ELMO1: variants seen among roughly 807,000 people sequenced by gnomAD.
The protein encoded by ELMO1 is engulfment and cell motility 1, also known as engulfment and cell motility protein 1.
In ELMO1, 26 loss-of-function variants were observed where a neutral mutation model predicts 98.9. That is an observed-to-expected ratio of 0.26 (90% CI 0.19 to 0.36). ELMO1 has a LOEUF of 0.36. ELMO1 is among the 10% of genes least tolerant of loss of function. The probability of loss-of-function intolerance (pLI) is 1.00; values close to 1 mark genes in which losing one functional copy is unlikely to be tolerated. For missense variants in ELMO1, 627 were observed against 935.2 expected, an observed-to-expected ratio of 0.67 and a Z score of 4.30; for synonymous variants, 346 against 346.0, an observed-to-expected ratio of 1.00 and a Z score of 0.00.
intron 11 of ELMO1, 127 bp downstream of exon 11, chr7:37,216,518 A>T (rs1793292370): frequency 2.8e-6 from 3 of 1,073,790 alleles, no homozygotes; most frequent in Admixed American, 4.2e-5. Flanking sequence ...CCTTCATTAG[A>T]GTTCCTACTG....
intron 16 of ELMO1, among the ~76,000 whole-genome samples, chr7:36,962,609 A>G (rs1270150762): frequency 6.8e-6 from 1 of 147,486 alleles, no homozygotes; most frequent in Admixed American, 6.7e-5. Flanking sequence ...GAGTAAACAG[A>G]AGGAGGTGAA....
chr7:37,231,885 C>T (rs920922019), intron 8 of ELMO1, among the ~76,000 whole-genome samples: 25 of 152,160 alleles, frequency 1.6e-4, no homozygotes, highest in African/African-American at 6.0e-4. Context: ...CAGGGTCTCA[C>T]TCCGTCACCC....
At chr7:37,103,454 G>A (rs186613714) in intron 14 of ELMO1, among the ~76,000 whole-genome samples, 1 of 146,008 alleles carries the variant, frequency 6.8e-6, no homozygotes, top group East Asian at 2.1e-4. Flanking sequence ...TCACTCATAG[G>A]TGGAAATTGA....
At chr7:37,323,414 T>C (rs1160941830) in intron 2 of ELMO1, among the ~76,000 whole-genome samples, 2 of 152,190 alleles carry the variant, frequency 1.3e-5, no homozygotes, top group Non-Finnish European at 2.9e-5. Context: ...GATTTAAGGA[T>C]GGACGCGATG....
Position 36,948,662 on chromosome 7 carries a change from C to G in ELMO1, c.1438-53645G>C, listed in dbSNP as rs2129102712. The stretch of plus-strand genomic sequence containing the variant: ...ATCTCATTTTTTTCTTCACTATAAC[C>G]CTACAACTATCTCCTTCCTATGAAG... On this transcript the variant is annotated intron_variant, in intron 16 of 21. Coordinates refer to ENST00000310758, the MANE Select transcript of ELMO1 (RefSeq NM_014800.11). Among the ~76,000 whole-genome samples, 3 of 152,216 alleles carry G rather than the reference C, an allele frequency of 2.0e-5. No homozygotes were observed. The South Asian group carries it at 6.2e-4, about 32-fold the overall frequency.
intron 1 of ELMO1, chr7:37,375,390 A>G: frequency 1.7e-6 from 1 of 588,928 alleles, no homozygotes; most frequent in Non-Finnish European, 3.0e-6. Context: ...AGGTCTTAGC[A>G]GAATTCAGGC....
rs1019965762 is a variant in ELMO1 at position 36,853,496 on chromosome 7, G to A, written c.*2055C>T. Reference sequence around the variant, plus strand: ...ACTTACTGTTTTATCATGATGATGGGTAGATTAATAACTGCTCCTGATAGC... The same window carrying A: ...ACTTACTGTTTTATCATGATGATGGATAGATTAATAACTGCTCCTGATAGC... On this transcript the variant is annotated 3_prime_UTR_variant, in exon 22 of 22. Transcript: ENST00000310758. 6.6e-6 allele frequency among the ~76,000 whole-genome samples: 1 copy of A among 152,190 alleles called. No homozygotes were observed. Among genetic ancestry groups the A allele is most frequent in the African/African-American group, 2.4e-5 (1 of 41,434 alleles).
chr7:37,160,651 G>A (rs1322809670), intron 13 of ELMO1, among the ~76,000 whole-genome samples: 1 of 152,132 alleles, frequency 6.6e-6, no homozygotes, highest in Non-Finnish European at 1.5e-5. Flanking sequence ...CAGCTCAAAA[G>A]AATCATAAGT....
chr7:37,039,376 T>C (rs972056303), intron 15 of ELMO1, among the ~76,000 whole-genome samples: 3 of 152,118 alleles, frequency 2.0e-5, no homozygotes, highest in Non-Finnish European at 2.9e-5. Flanking sequence ...GAGGGGGAGA[T>C]ACAAGGGCAG....
At chr7:37,104,010 CAA>C (rs35979251) in intron 14 of ELMO1, among the ~76,000 whole-genome samples, 6 of 29,020 alleles carry the variant, frequency 2.1e-4, no homozygotes, top group South Asian at 5.0e-3. Context: ...GACTCCATCT[CAA>C]AAAAAAAAAA....
At chr7:37,351,730 ATC>A (rs983805267) in intron 1 of ELMO1, among the ~76,000 whole-genome samples, 4 of 152,186 alleles carry the variant, frequency 2.6e-5, no homozygotes, top group African/African-American at 9.7e-5. Context: ...ACCTAACCAT[ATC>A]TGTTTACTGC....
chr7:37,132,387 T>C (rs1043906948), intron 14 of ELMO1, among the ~76,000 whole-genome samples: 1 of 152,210 alleles, frequency 6.6e-6, no homozygotes, highest in Admixed American at 6.5e-5. Context: ...TATCCTTCCC[T>C]GATCTCAATC....
At chr7:37,025,933 CTATT>C (rs1794549387) in intron 15 of ELMO1, among the ~76,000 whole-genome samples, 2 of 145,076 alleles carry the variant, frequency 1.4e-5, no homozygotes, top group South Asian at 4.3e-4. Context: ...ATCTATCTAT[CTATT>C]TTTTTCTATT....
intron 15 of ELMO1, among the ~76,000 whole-genome samples, chr7:37,050,785 A>G (rs1796070021): frequency 6.6e-6 from 1 of 150,594 alleles, no homozygotes; most frequent in Admixed American, 6.6e-5. Flanking sequence ...AAAAAACCCT[A>G]TTTGATAGAT....
intron 1 of ELMO1, among the ~76,000 whole-genome samples, chr7:37,436,652 T>G (rs1374469363): frequency 6.6e-6 from 1 of 152,218 alleles, no homozygotes; most frequent in Admixed American, 6.5e-5. Context: ...CTTAATGAGC[T>G]GGTGTGCCTG....
intron 11 of ELMO1, among the ~76,000 whole-genome samples, chr7:37,214,440 A>G (rs1287780802): frequency 6.6e-6 from 1 of 152,164 alleles, no homozygotes; most frequent in Non-Finnish European, 1.5e-5. Context: ...CATTGTAGAG[A>G]AAAATGATCT....
intron 16 of ELMO1, among the ~76,000 whole-genome samples, chr7:36,914,388 C>T (rs1316079896): frequency 2.0e-5 from 3 of 152,102 alleles, no homozygotes; most frequent in South Asian, 2.1e-4. Context: ...TAAGGCTTTT[C>T]GCATCTTAAT....
chr7:36,998,933 A>G (rs569237836), intron 16 of ELMO1, among the ~76,000 whole-genome samples: 2 of 152,104 alleles, frequency 1.3e-5, no homozygotes, highest in Non-Finnish European at 2.9e-5. Flanking sequence ...AAAATCATTT[A>G]TTTATTATTA....
intron 4 of ELMO1, among the ~76,000 whole-genome samples, chr7:37,280,009 G>A (rs1456843269): frequency 1.3e-5 from 2 of 152,180 alleles, no homozygotes; most frequent in African/African-American, 4.8e-5. Context: ...CAGGCACATA[G>A]ACCAATGGAA....
Sources: allele counts gnomAD v4.1 joint callset (sites outside exome capture counted in the v4.1 genomes callset), GRCh38; gene constraint gnomAD v4.1.1; transcripts MANE v1.5; gene names NCBI Gene and HGNC (gene_info 2026-07-23, HGNC 2026-07-21).